UNC5C: variants seen among roughly 807,000 people sequenced by gnomAD.
The protein encoded by UNC5C is unc-5 netrin receptor C.
UNC5C carries 47 observed loss-of-function variants against 99.8 expected under a neutral mutation model. The ratio of observed to expected loss-of-function variants is 0.47; its 90% CI spans 0.37 to 0.60. UNC5C has a LOEUF of 0.60. Ranked by LOEUF, UNC5C falls within the 20% of genes least tolerant of loss-of-function variation. The pLI, the probability that UNC5C is intolerant of heterozygous loss-of-function variation, is 0.00. For missense variants in UNC5C, 1,062 were observed against 1,165.9 expected, an observed-to-expected ratio of 0.91 and a Z score of 1.30; for synonymous variants, 487 against 452.2, an observed-to-expected ratio of 1.08 and a Z score of -0.98.
chr4:95,420,580 A>C (rs1746290875), intron 1 of UNC5C, among the ~76,000 whole-genome samples: 1 of 152,160 alleles, frequency 6.6e-6, no homozygotes, highest in African/African-American at 2.4e-5. Flanking sequence ...TCATTAGTCC[A>C]TTTGTTTTCC....
intron 1 of UNC5C, among the ~76,000 whole-genome samples, chr4:95,434,234 G>A (rs966061068): frequency 1.3e-5 from 2 of 151,846 alleles, no homozygotes; most frequent in African/African-American, 2.4e-5. Flanking sequence ...TTCTTTCTTG[G>A]ACATTACTTG....
chr4:95,336,246 A>T (rs1273907340), intron 1 of UNC5C, among the ~76,000 whole-genome samples: 1 of 151,950 alleles, frequency 6.6e-6, no homozygotes. Flanking sequence ...ATGATTCAAA[A>T]TAAAAAATTA....
intron 1 of UNC5C, among the ~76,000 whole-genome samples, chr4:95,358,698 G>A (rs1268939764): frequency 6.6e-6 from 1 of 152,048 alleles, no homozygotes; most frequent in Non-Finnish European, 1.5e-5. Flanking sequence ...AATTAAATCT[G>A]GACAAGTCTT....
chr4:95,220,010 A>G lies in UNC5C; in HGVS notation c.1275T>C (p.Pro425=). ...DSSALNGGFQ[P]VNIKAARQDL... ...CTTGTCTTGCTGCCTTGATGTTCAC[A>G]GGCTGAAAGCCCCCATTGAGTGCCG... Residue 425 remains proline, a synonymous_variant, in exon 8 of 16, where the codon CCT becomes CCC. Coordinates refer to ENST00000453304, the MANE Select transcript of UNC5C (RefSeq NM_003728.4). 2 of 1,614,014 alleles carry G rather than the reference A, an allele frequency of 1.2e-6. No individual in the cohort carries two copies. Among genetic ancestry groups the G allele is most frequent in the South Asian group, 1.1e-5 (1 of 91,062 alleles).
chr4:95,191,628 C>G (rs984811618), intron 12 of UNC5C, among the ~76,000 whole-genome samples: 4 of 150,286 alleles, frequency 2.7e-5, no homozygotes, highest in Non-Finnish European at 4.4e-5. Context: ...CACTCCTCTC[C>G]TGCTCCCATG....
chr4:95,436,290 A>T (rs1167182875), intron 1 of UNC5C, among the ~76,000 whole-genome samples: 1 of 151,974 alleles, frequency 6.6e-6, no homozygotes, highest in African/African-American at 2.4e-5. Flanking sequence ...GTACCCCTCT[A>T]TTAAATAATA....
intron 12 of UNC5C, among the ~76,000 whole-genome samples, chr4:95,191,303 T>C (rs3796460): frequency 0.75 from 113,962 of 152,114 alleles, 42,963 homozygotes; most frequent in Middle Eastern, 0.85. Context: ...GTATCAGGCT[T>C]ACAGCTATTG....
chr4:95,274,748 A>AGGCG (rs1488900400), intron 4 of UNC5C, among the ~76,000 whole-genome samples: 14 of 152,000 alleles, frequency 9.2e-5, no homozygotes, highest in Non-Finnish European at 2.9e-5. Context: ...GTAAGGGGCC[A>AGGCG]GGCGTGGTAG....
At chr4:95,371,055 G>A (rs1744733151) in intron 1 of UNC5C, among the ~76,000 whole-genome samples, 1 of 152,138 alleles carries the variant, frequency 6.6e-6, no homozygotes, top group Non-Finnish European at 1.5e-5. Flanking sequence ...TAAGAAAAGA[G>A]TAATGCCAAT....
chr4:95,514,973 T>C (rs1379393132), intron 1 of UNC5C, among the ~76,000 whole-genome samples: 1 of 152,054 alleles, frequency 6.6e-6, no homozygotes, highest in Non-Finnish European at 1.5e-5. Flanking sequence ...TGCCTGGCCC[T>C]AAATGAGGAG....
At chr4:95,461,403 T>C (rs1456536383) in intron 1 of UNC5C, among the ~76,000 whole-genome samples, 1 of 118,980 alleles carries the variant, frequency 8.4e-6, no homozygotes, top group Non-Finnish European at 1.7e-5. Context: ...TGTGAACATA[T>C]TGTAATCAAA....
At chr4:95,391,924 G>A (rs1745372961) in intron 1 of UNC5C, among the ~76,000 whole-genome samples, 1 of 152,050 alleles carries the variant, frequency 6.6e-6, no homozygotes, top group Non-Finnish European at 1.5e-5. Context: ...CTGACCCCTG[G>A]CACACCCCTG....
At chr4:95,177,321 G>A (rs1191292265) in intron 14 of UNC5C, among the ~76,000 whole-genome samples, 1 of 152,092 alleles carries the variant, frequency 6.6e-6, no homozygotes, top group Non-Finnish European at 1.5e-5. Context: ...GAACTAACTG[G>A]CCACACCCAG....
chr4:95,215,409 A>C (rs1470018228), intron 10 of UNC5C, among the ~76,000 whole-genome samples: 1 of 152,218 alleles, frequency 6.6e-6, no homozygotes, highest in Non-Finnish European at 1.5e-5. Context: ...CGCATTTTAC[A>C]TGGAAACTAA....
At chr4:95,333,990 GC>G (rs1163686658) in intron 2 of UNC5C, among the ~76,000 whole-genome samples, 2 of 151,996 alleles carry the variant, frequency 1.3e-5, no homozygotes, top group Non-Finnish European at 2.9e-5. Context: ...CCTGAAGTAA[GC>G]TACCCTATAA....
chr4:95,267,427 TTC>T (rs1240483526), intron 4 of UNC5C, among the ~76,000 whole-genome samples: 1 of 152,228 alleles, frequency 6.6e-6, no homozygotes, highest in African/African-American at 2.4e-5. Flanking sequence ...AAGTCTTATT[TTC>T]TGTTTCTAAC....
At chr4:95,205,961 A>G (rs1021417461) in intron 11 of UNC5C, among the ~76,000 whole-genome samples, 15 of 151,884 alleles carry the variant, frequency 9.9e-5, no homozygotes, top group Non-Finnish European at 2.2e-4. Context: ...ATCCAGTTGC[A>G]ATGTTTCTGA....
At chr4:95,226,858 T>C (rs1472630227) in intron 7 of UNC5C, among the ~76,000 whole-genome samples, 1 of 152,090 alleles carries the variant, frequency 6.6e-6, no homozygotes, top group Non-Finnish European at 1.5e-5. Context: ...TAGGTGGTTG[T>C]TTTTTGGCAT....
chr4:95,303,095 A>T lies in UNC5C; in HGVS notation c.347-1346T>A, dbSNP rs533143857. On this transcript the variant is annotated intron_variant, in intron 2 of 15. Transcript: ENST00000453304. ...GAGTTTGAGAATTTAGGAGAAGACA[A>T]CTGAGCACCAACCACAGAGAATAGT... 5.3e-5 allele frequency among the ~76,000 whole-genome samples: 8 copies of T among 152,286 alleles called. No homozygotes were observed. In the East Asian group the frequency reaches 1.5e-3, roughly 29 times the overall value.
Sources: allele counts gnomAD v4.1 joint callset (sites outside exome capture counted in the v4.1 genomes callset), GRCh38; gene constraint gnomAD v4.1.1; transcripts MANE v1.5; gene names NCBI Gene and HGNC (gene_info 2026-07-23, HGNC 2026-07-21).